The following SLC22A16 variants were observed in gnomAD, a reference collection of about 807,000 sequenced individuals.
SLC22A16 encodes the protein solute carrier family 22 member 16.
Under a neutral mutation model 52.9 loss-of-function variants are expected in SLC22A16, and 53 were observed. The ratio of observed to expected loss-of-function variants is 1.00; its 90% CI spans 0.80 to 1.26. The LOEUF is 1.26. Ranked by LOEUF, SLC22A16 falls within the 50% of genes most tolerant of loss-of-function variation. The pLI is 0.00. For missense variants in SLC22A16, 726 were observed against 704.0 expected (o/e 1.03, Z -0.35); for synonymous variants, 291 against 268.8 (o/e 1.08, Z -0.81).
intron 1 of SLC22A16, among the ~76,000 whole-genome samples, chr6:110,473,036 G>A (rs73764927): frequency 2.1e-3 from 323 of 152,278 alleles, no homozygotes; most frequent in African/African-American, 7.7e-3. Context: ...CAGGGACCAT[G>A]AGCAAGATCC....
intron 2 of SLC22A16, among the ~76,000 whole-genome samples, chr6:110,454,592 T>C (rs1458567746): frequency 1.2e-4 from 12 of 101,094 alleles, no homozygotes; most frequent in Non-Finnish European, 2.2e-4. Flanking sequence ...ATATAATATA[T>C]ATTTATATAT....
chr6:110,458,122 C>T (rs1236031864), intron 1 of SLC22A16, among the ~76,000 whole-genome samples: 1 of 152,114 alleles, frequency 6.6e-6, no homozygotes, highest in Non-Finnish European at 1.5e-5. Flanking sequence ...CTCTGATATG[C>T]AGAAATAATG....
chr6:110,476,161 G>A (rs1344759336), intron 1 of SLC22A16: 2 of 428,126 alleles, frequency 4.7e-6, no homozygotes, highest in Non-Finnish European at 8.4e-6. Flanking sequence ...AGAAACGGGC[G>A]GCCAGGCACA....
chr6:110,463,347 T>A (rs545887551), intron 1 of SLC22A16, among the ~76,000 whole-genome samples: 53 of 151,772 alleles, frequency 3.5e-4, no homozygotes, highest in Middle Eastern at 6.8e-3. Flanking sequence ...GATTTTTTTT[T>A]AAAAAGACCC....
At chr6:110,439,961 AT>A (rs1391918008) in intron 4 of SLC22A16, 1 of 152,222 alleles carries the variant, frequency 6.6e-6, no homozygotes, top group African/African-American at 2.4e-5. Context: ...GGCATATTAA[AT>A]TTTAAAAGGG....
At chr6:110,473,310 C>T (rs1282703820) in intron 1 of SLC22A16, among the ~76,000 whole-genome samples, 2 of 152,094 alleles carry the variant, frequency 1.3e-5, no homozygotes, top group Admixed American at 6.5e-5. Flanking sequence ...CGTCTCTCCT[C>T]TTAACCCAGG....
Position 110,453,242 on chromosome 6 carries a change from A to G in SLC22A16, c.533+3296T>C, listed in dbSNP as rs555632909. 4.5e-4 allele frequency among the ~76,000 whole-genome samples: 69 copies of G among 152,224 alleles called. 1 individual carries two copies. Among genetic ancestry groups the G allele is most frequent in the Admixed American group, 2.6e-4 (4 of 15,280 alleles). On this transcript the variant is annotated intron_variant, in intron 2 of 7. Transcript: ENST00000368919. ...GTGGTTATTTTATTATTTGTGCCTG[A>G]TAATTCTAGTATTTGAAGTCTTTGT... is the stretch of plus-strand genomic sequence containing the variant.
At chr6:110,471,027 G>A (rs192368749) in intron 1 of SLC22A16, among the ~76,000 whole-genome samples, 30 of 152,278 alleles carry the variant, frequency 2.0e-4, no homozygotes, top group Non-Finnish European at 3.7e-4. Flanking sequence ...CACATGCACC[G>A]CCTGTGACAG....
intron 3 of SLC22A16, among the ~76,000 whole-genome samples, chr6:110,446,652 G>T (rs181750790): frequency 3.4e-3 from 515 of 151,342 alleles, no homozygotes; most frequent in African/African-American, 0.012. Flanking sequence ...GCCCGACACA[G>T]AGGCAAACAC....
chr6:110,475,141 T>A (rs1226062920), intron 1 of SLC22A16: 4 of 376,416 alleles, frequency 1.1e-5, no homozygotes, highest in South Asian at 2.0e-5. Context: ...TCTTTTAACC[T>A]CTGTGCTATT....
intron 6 of SLC22A16, among the ~76,000 whole-genome samples, chr6:110,435,304 T>C (rs1774679020): frequency 6.6e-6 from 1 of 152,094 alleles, no homozygotes; most frequent in African/African-American, 2.4e-5. Context: ...TGGTGTCTTA[T>C]ATGAAGAGGG....
chr6:110,435,392 G>T (rs73764913), intron 6 of SLC22A16, among the ~76,000 whole-genome samples: 3 of 152,132 alleles, frequency 2.0e-5, no homozygotes, highest in Non-Finnish European at 4.4e-5. Flanking sequence ...ACCACAGAGC[G>T]AGGCCTCAGG....
chr6:110,443,339 G>T (rs1775049002), intron 3 of SLC22A16, among the ~76,000 whole-genome samples: 2 of 152,126 alleles, frequency 1.3e-5, no homozygotes, highest in Admixed American at 6.6e-5. Flanking sequence ...TATCTGATAA[G>T]GGATTTTATG....
chr6:110,439,890 T>G (rs917098556), intron 4 of SLC22A16: 2 of 152,138 alleles, frequency 1.3e-5, no homozygotes, highest in Non-Finnish European at 2.9e-5. Context: ...TAAAAGTTAT[T>G]TTACTAACTA....
chr6:110,473,037 A>G (rs181002508), intron 1 of SLC22A16, among the ~76,000 whole-genome samples: 1 of 152,302 alleles, frequency 6.6e-6, no homozygotes, highest in African/African-American at 2.4e-5. Context: ...AGGGACCATG[A>G]GCAAGATCCT....
intron 1 of SLC22A16, among the ~76,000 whole-genome samples, chr6:110,466,742 A>T (rs1776076322): frequency 6.6e-6 from 1 of 152,200 alleles, no homozygotes; most frequent in Non-Finnish European, 1.5e-5. Flanking sequence ...TAAAAATAGG[A>T]CTACCATTTG....
In SLC22A16 at chr6:110,476,507, G is replaced by GCACCCCCC. The variant is rs778197382; in HGVS notation, c.53+14_53+15insGGGGGGTG. ...GCCGCCTCCCGCGTGGCGCCGCGGG[G>GCACCCCCC]CCCCTCCCCCATACCTGCCGAAGTG... is the stretch of plus-strand genomic sequence containing the variant. On this transcript the variant is annotated intron_variant, in intron 1 of 7. Coordinates refer to ENST00000368919, the MANE Select transcript of SLC22A16 (RefSeq NM_033125.4). The GCACCCCCC allele has an allele frequency of 9.3e-7, 1 of 1,072,998 alleles. No individual in the cohort carries two copies. The highest frequency in any genetic ancestry group is 2.8e-5 in the African/African-American group (1 of 35,466). 66.5% of individuals were successfully genotyped at this position (1,072,998 alleles called of 1,614,324 possible).
chr6:110,434,455 A>C (rs1774634417), intron 6 of SLC22A16, among the ~76,000 whole-genome samples: 1 of 152,154 alleles, frequency 6.6e-6, no homozygotes, highest in African/African-American at 2.4e-5. Flanking sequence ...AGAAGGCAGG[A>C]GCACTGGGGG....
At position 110,456,854 on chromosome 6, in the gene SLC22A16, C is replaced by T. The variant is rs759750191; in HGVS notation, c.217G>A (p.Asp73Asn). The change falls in exon 2 of 8, where the codon GAC becomes AAC. Residue 73 changes from aspartate to asparagine, a missense_variant. Physicochemically the swap from Asp to Asn is conservative, Grantham distance 23. Transcript: ENST00000368919. ...CCTGAAGACAACAGGGCCCCGGTGTCCTCCAAACTCCAATTAGAGTGATTA... is the reference window on the plus strand; with the variant it reads ...CCTGAAGACAACAGGGCCCCGGTGTTCTCCAAACTCCAATTAGAGTGATTA... ...FHNHSNWSLE[D>N]TGALLSSGQK... 1.2e-6 allele frequency: 2 copies of T among 1,614,142 alleles called. No homozygotes were observed. The highest frequency in any genetic ancestry group is 2.2e-5 in the South Asian group (2 of 91,068).
Sources: gnomAD v4.1 joint callset for allele counts (sites outside exome capture counted in the v4.1 genomes callset) on GRCh38, gnomAD v4.1.1 for gene constraint, MANE v1.5 for transcripts, NCBI Gene and HGNC (gene_info 2026-07-23, HGNC 2026-07-21) for gene names.